Variants in MBOAT2 observed in about 807,000 individuals in gnomAD.
The protein encoded by MBOAT2 is membrane bound glycerophospholipid O-acyltransferase 2.
A neutral mutation model predicts 63.4 loss-of-function variants in MBOAT2; 28 were observed. That is an observed-to-expected ratio of 0.44 (90% CI 0.33 to 0.61). The LOEUF is 0.61. MBOAT2 is among the 20% of genes least tolerant of loss of function. The probability of loss-of-function intolerance (pLI) is 0.03; values close to 1 mark genes in which losing one functional copy is unlikely to be tolerated. For missense variants in MBOAT2, 470 were observed against 605.8 expected (o/e 0.78, Z 2.35); for synonymous variants, 211 against 215.6 (o/e 0.98, Z 0.19).
Position 8,873,308 on chromosome 2 carries a change from G to C in MBOAT2, c.691-8C>G. ...CTTCTGAACAACCGCAGTCTGAAAA[G>C]CGCAAGGCGAGACTTCATCAACTTT... On this transcript the variant is annotated splice_polypyrimidine_tract_variant and splice_region_variant and intron_variant, in intron 7 of 12. Coordinates refer to ENST00000305997, the MANE Select transcript of MBOAT2 (RefSeq NM_138799.4). The C allele has an allele frequency of 6.2e-7, 1 of 1,609,850 alleles. No homozygotes were observed.
Position 8,984,341 on chromosome 2 carries a change from A to G in MBOAT2, c.75+19199T>C, listed in dbSNP as rs74962772. Among the ~76,000 whole-genome samples, 935 of 152,326 alleles carry G rather than the reference A, an allele frequency of 6.1e-3. 12 individuals carry two copies. The highest frequency in any genetic ancestry group is 0.021 in the African/African-American group (884 of 41,580). Reference sequence around the variant, plus strand: ...GCTCAACACTGTGAATATACTTATCACTACTGAGCTGTGTGCACTTAAAGA... The same window carrying G: ...GCTCAACACTGTGAATATACTTATCGCTACTGAGCTGTGTGCACTTAAAGA... On this transcript the variant is annotated intron_variant, in intron 1 of 12. Transcript: ENST00000305997.
At chr2:8,912,956 T>C (rs777440738) in intron 3 of MBOAT2, among the ~76,000 whole-genome samples, 33 of 151,984 alleles carry the variant, frequency 2.2e-4, no homozygotes, top group African/African-American at 7.2e-4. Flanking sequence ...TATAAGGCCA[T>C]AGTCACAAAA....
chr2:8,916,067 T>C (rs1666152552), intron 3 of MBOAT2, among the ~76,000 whole-genome samples: 1 of 152,188 alleles, frequency 6.6e-6, no homozygotes, highest in Non-Finnish European at 1.5e-5. Flanking sequence ...CACTTGCTGT[T>C]GGCACGTCTA....
chr2:8,900,017 G>GGAGT (rs979756203), intron 4 of MBOAT2, among the ~76,000 whole-genome samples: 91 of 151,572 alleles, frequency 6.0e-4, no homozygotes, highest in Non-Finnish European at 2.2e-4. Context: ...GGGTGACAGG[G>GGAGT]GAGTATATTT....
At chr2:8,980,665 C>G (rs1671135920) in intron 1 of MBOAT2, among the ~76,000 whole-genome samples, 1 of 152,118 alleles carries the variant, frequency 6.6e-6, no homozygotes, top group African/African-American at 2.4e-5. Flanking sequence ...ATATTATGCA[C>G]TATACCACTT....
rs187966296 is a variant in MBOAT2 at position 8,854,152 on chromosome 2, C to T, written c.*4527G>A. ...AAATAGATTTGACTACTTGGTGTTG[C>T]AGAAAAACACTGTAGAGACCCTCTA... On this transcript the variant is annotated 3_prime_UTR_variant, in exon 13 of 13. Coordinates refer to ENST00000305997, the MANE Select transcript of MBOAT2 (RefSeq NM_138799.4). 6.6e-6 allele frequency: 1 copy of T among 152,032 alleles called. No homozygotes were observed. Among genetic ancestry groups the T allele is most frequent in the East Asian group, 1.9e-4 (1 of 5,186 alleles). 9.4% of individuals were successfully genotyped at this position (152,032 alleles called of 1,614,324 possible).
chr2:8,984,602 C>A (rs76437137), intron 1 of MBOAT2, among the ~76,000 whole-genome samples: 5,707 of 152,146 alleles, frequency 0.038, 156 homozygotes, highest in Middle Eastern at 0.11. Context: ...TTTCCCAAAT[C>A]AACTCCCCAG....
intron 3 of MBOAT2, among the ~76,000 whole-genome samples, chr2:8,931,251 G>T (rs1369719624): frequency 6.6e-6 from 1 of 152,036 alleles, no homozygotes; most frequent in Non-Finnish European, 1.5e-5. Context: ...TCTCATTTTG[G>T]TTTTGATTTG....
chr2:8,968,761 C>T (rs970877438), intron 1 of MBOAT2, among the ~76,000 whole-genome samples: 2 of 152,080 alleles, frequency 1.3e-5, no homozygotes, highest in Non-Finnish European at 2.9e-5. Flanking sequence ...ATTCGAACAA[C>T]TGGAAGAAAG....
At chr2:8,882,425 G>A in intron 6 of MBOAT2, 86 bp downstream of exon 6, 1 of 1,272,060 alleles carries the variant, frequency 7.9e-7, no homozygotes. Context: ...CCTCTAGAAG[G>A]ACTAGTCAGC....
chr2:8,963,374 G>A (rs1207456420), intron 1 of MBOAT2, among the ~76,000 whole-genome samples: 3 of 152,136 alleles, frequency 2.0e-5, no homozygotes, highest in Non-Finnish European at 2.9e-5. Context: ...CACGATCTCA[G>A]CTCACTGTAA....
At chr2:8,895,385 G>A (rs559425718) in intron 4 of MBOAT2, among the ~76,000 whole-genome samples, 1 of 152,218 alleles carries the variant, frequency 6.6e-6, no homozygotes, top group African/African-American at 2.4e-5. Flanking sequence ...ACAGAGTGCT[G>A]ACTGGTGTGT....
chr2:8,932,693 T>A (rs929735855), intron 3 of MBOAT2, among the ~76,000 whole-genome samples: 4 of 151,484 alleles, frequency 2.6e-5, no homozygotes, highest in Middle Eastern at 3.4e-3. Flanking sequence ...TCTGTACAAG[T>A]AGACAGTAAC....
rs543679030 is a variant in MBOAT2 at position 8,909,283 on chromosome 2, C to T, written c.300-567G>A. ...GAACTTATATATCAACAGGAGAGAA[C>T]AGAAACCCAGAAACAGACTCCAGAA... On this transcript the variant is annotated intron_variant, in intron 3 of 12. Transcript: ENST00000305997. 6.4e-4 allele frequency among the ~76,000 whole-genome samples: 98 copies of T among 152,104 alleles called. 1 individual carries two copies. Among genetic ancestry groups the T allele is most frequent in the African/African-American group, 2.2e-3 (92 of 41,508 alleles).
At chr2:8,933,385 G>A (rs570834996) in intron 3 of MBOAT2, among the ~76,000 whole-genome samples, 1 of 152,286 alleles carries the variant, frequency 6.6e-6, no homozygotes, top group Non-Finnish European at 1.5e-5. Flanking sequence ...GTCTTGCTCT[G>A]TTGCCCAGGC....
chr2:8,973,276 AC>A (rs1670578052), intron 1 of MBOAT2, among the ~76,000 whole-genome samples: 1 of 150,074 alleles, frequency 6.7e-6, no homozygotes, highest in African/African-American at 2.5e-5. Flanking sequence ...GGGATAAAAA[AC>A]CAAACACTGC....
At chr2:8,892,991 G>A (rs566864606) in intron 4 of MBOAT2, among the ~76,000 whole-genome samples, 200 of 151,238 alleles carry the variant, frequency 1.3e-3, no homozygotes, top group Non-Finnish European at 2.2e-3. Context: ...AGGCAAAAGA[G>A]TGACTTGGTT....
intron 9 of MBOAT2, among the ~76,000 whole-genome samples, chr2:8,865,835 G>A (rs1027291931): frequency 4.6e-5 from 7 of 152,136 alleles, no homozygotes; most frequent in South Asian, 2.1e-4. Flanking sequence ...TCAGGAGTTC[G>A]AGACTAGCCT....
In MBOAT2 at chr2:9,003,634, G is replaced by C. The variant is rs374380125; in HGVS notation, c.-20C>G. ...GGCCATGGCCGGGCCTCGGCGCTCC[G>C]GCCGCCCGCGCCGCTCGCCCGCTCG... On this transcript the variant is annotated 5_prime_UTR_variant, in exon 1 of 13. Transcript: ENST00000305997. The surrounding 1 kb of genome is among the most constrained non-coding windows in gnomAD (Gnocchi z 5.4). 9,743 of 1,156,762 alleles carry C rather than the reference G, an allele frequency of 8.4e-3. 39 individuals carry two copies. The highest frequency in any genetic ancestry group is 0.023 in the Middle Eastern group (63 of 2,788). The allele number at this position is 1,156,762 out of a possible 1,614,324, so 71.7% of individuals were successfully genotyped here.
Sources: gnomAD v4.1 joint callset for allele counts (sites outside exome capture counted in the v4.1 genomes callset) on GRCh38, gnomAD v4.1.1 for gene constraint, Gnocchi (gnomAD v3.1) non-coding constraint, MANE v1.5 for transcripts, NCBI Gene and HGNC (gene_info 2026-07-23, HGNC 2026-07-21) for gene names.